Variants in PRKACB observed in about 807,000 individuals in gnomAD.
PRKACB encodes the protein protein kinase cAMP-activated catalytic subunit beta, also known as cAMP-dependent protein kinase catalytic subunit beta.
PRKACB carries 16 observed loss-of-function variants against 51.4 expected under a neutral mutation model. That is an observed-to-expected ratio of 0.31 (90% CI 0.21 to 0.47). The LOEUF (loss-of-function observed/expected upper bound fraction) is 0.47, where lower values mean the gene tolerates loss of function less well. PRKACB is among the 20% of genes least tolerant of loss of function. PRKACB has a pLI of 1.00. For synonymous variants in PRKACB, 147 were observed against 154.4 expected (o/e 0.95, Z 0.35); for missense variants, 309 against 464.5 (o/e 0.67, Z 3.08).
At chr1:84,199,163 C>G (rs546099934) in intron 7 of PRKACB, among the ~76,000 whole-genome samples, 1 of 147,780 alleles carries the variant, frequency 6.8e-6, no homozygotes, top group Non-Finnish European at 1.5e-5. Context: ...TTTTAGCTTT[C>G]ATTTTAGGTT....
At chr1:84,103,147 T>C (rs1475410760) in intron 1 of PRKACB, among the ~76,000 whole-genome samples, 4 of 152,072 alleles carry the variant, frequency 2.6e-5, no homozygotes, top group Non-Finnish European at 5.9e-5. Context: ...ATTTTGAAAA[T>C]GGAGGAGTAT....
chr1:84,210,432 T>C (rs559165834), intron 8 of PRKACB, among the ~76,000 whole-genome samples: 1 of 152,300 alleles, frequency 6.6e-6, no homozygotes, highest in East Asian at 1.9e-4. Context: ...CTCTTTACAT[T>C]TACTTTCACA....
chr1:84,088,002 G>A lies in PRKACB; in HGVS notation c.46+9631G>A, dbSNP rs554635358. Among the ~76,000 whole-genome samples, 5 of 152,252 alleles carry A rather than the reference G, an allele frequency of 3.3e-5. No individual in the cohort carries two copies. In the South Asian group the frequency reaches 8.3e-4, roughly 25 times the overall value. ...AAAGCACAATTATGAGAATGTTGTA[G>A]GAAGTGGATTATAGGACGTGTTTTT... On this transcript the variant is annotated intron_variant, in intron 1 of 8. Coordinates refer to the PRKACB transcript ENST00000370688.
chr1:84,194,238 A>G (rs1667585356), intron 5 of PRKACB, among the ~76,000 whole-genome samples: 1 of 152,178 alleles, frequency 6.6e-6, no homozygotes, highest in Admixed American at 6.5e-5. Context: ...ATAATTGGTA[A>G]CTTCTTTTCT....
intron 1 of PRKACB, among the ~76,000 whole-genome samples, chr1:84,114,975 G>T (rs1237138133): frequency 6.6e-6 from 1 of 152,042 alleles, no homozygotes; most frequent in African/African-American, 2.4e-5. Context: ...CTTTGCTATT[G>T]CGAATAGTGC....
intron 1 of PRKACB, among the ~76,000 whole-genome samples, chr1:84,150,125 C>T (rs536747932): frequency 1.1e-4 from 17 of 151,794 alleles, no homozygotes; most frequent in African/African-American, 4.1e-4. Context: ...ATTAGCCAGG[C>T]TCCATCTACA....
At chr1:84,100,187 C>A (rs1005960037) in intron 1 of PRKACB, among the ~76,000 whole-genome samples, 9 of 152,244 alleles carry the variant, frequency 5.9e-5, no homozygotes, top group African/African-American at 2.2e-4. Context: ...GAAGGAAGAA[C>A]TGTCAAACAC....
At position 84,234,961 on chromosome 1, in the gene PRKACB, G is replaced by A. The variant is rs376004007; in HGVS notation, c.1072-219G>A. Among the ~76,000 whole-genome samples the A allele has an allele frequency of 3.0e-4, 46 of 152,300 alleles. 1 individual carries two copies. The South Asian group carries it at 9.5e-3, about 32-fold the overall frequency. On this transcript the variant is annotated intron_variant, in intron 9 of 9. Transcript: ENST00000370685. ...TCCTCTTATCCCAGAAATTTCTTAA[G>A]TATTTTGTTGACCTGCATACTTCCT...
intron 1 of PRKACB, among the ~76,000 whole-genome samples, chr1:84,115,434 C>G (rs531087273): frequency 3.9e-5 from 6 of 152,056 alleles, no homozygotes; most frequent in African/African-American, 1.4e-4. Flanking sequence ...TCCCCTGTTG[C>G]ATGAGTAGCA....
At chr1:84,142,751 A>G (rs1442123766), upstream of PRKACB, among the ~76,000 whole-genome samples, 1 of 152,206 alleles carries the variant, frequency 6.6e-6, no homozygotes, top group East Asian at 1.9e-4. Context: ...ACTTGTTTAG[A>G]TTGATATGAA....
chr1:84,092,395 A>G (rs1250974434), intron 1 of PRKACB, among the ~76,000 whole-genome samples: 1 of 152,182 alleles, frequency 6.6e-6, no homozygotes, highest in Non-Finnish European at 1.5e-5. Flanking sequence ...AAGTATAGCA[A>G]AACATATTTT....
chr1:84,091,202 G>A (rs535441032), intron 1 of PRKACB, among the ~76,000 whole-genome samples: 1 of 152,118 alleles, frequency 6.6e-6, no homozygotes, highest in African/African-American at 2.4e-5. Context: ...GAAGAAAGAA[G>A]AAAGAGAAAA....
intron 2 of PRKACB, among the ~76,000 whole-genome samples, chr1:84,179,958 G>A (rs1344899772): frequency 4.8e-5 from 7 of 144,504 alleles, no homozygotes; most frequent in Admixed American, 2.1e-4. Context: ...CCCCCACCCC[G>A]CGACAGGCCC....
chr1:84,184,188 G>A, intron 4 of PRKACB, 53 bp downstream of exon 4: 1 of 1,475,274 alleles, frequency 6.8e-7, no homozygotes, highest in Non-Finnish European at 9.2e-7. Flanking sequence ...TTTTTTTTAA[G>A]ATGAAACTAT....
At chr1:84,086,346 G>T in intron 1 of PRKACB, 1 of 679,492 alleles carries the variant, frequency 1.5e-6, no homozygotes. Flanking sequence ...AGCCATGAGT[G>T]CTTCTGAGCT....
At chr1:84,221,845 TA>T (rs34220655) in intron 9 of PRKACB, among the ~76,000 whole-genome samples, 1 of 152,146 alleles carries the variant, frequency 6.6e-6, no homozygotes, top group Non-Finnish European at 1.5e-5. Flanking sequence ...TGGCCTAATA[TA>T]AATGGTCTAT....
At chr1:84,124,652 C>G (rs1303996332) in intron 1 of PRKACB, among the ~76,000 whole-genome samples, 1 of 152,182 alleles carries the variant, frequency 6.6e-6, no homozygotes, top group Non-Finnish European at 1.5e-5. Flanking sequence ...GCAGTTTGCC[C>G]TATCAGTGCT....
At chr1:84,182,442 T>C in intron 3 of PRKACB, 114 bp downstream of exon 3, 2 of 792,936 alleles carry the variant, frequency 2.5e-6, no homozygotes, top group Non-Finnish European at 3.4e-6. Context: ...AATTTTATTA[T>C]TAAATTTAAT....
chr1:84,154,354 A>G (rs1655195419), intron 1 of PRKACB, among the ~76,000 whole-genome samples: 1 of 152,070 alleles, frequency 6.6e-6, no homozygotes, highest in South Asian at 2.1e-4. Context: ...TTCTTTTTGC[A>G]CAAAAGCTTT....
Sources: gnomAD v4.1 joint callset for allele counts (sites outside exome capture counted in the v4.1 genomes callset) on GRCh38, gnomAD v4.1.1 for gene constraint, MANE v1.5 for transcripts, NCBI Gene and HGNC (gene_info 2026-07-23, HGNC 2026-07-21) for gene names.